MYB: variants seen among roughly 807,000 people sequenced by gnomAD.
MYB encodes MYB proto-oncogene, transcription factor.
Under a neutral mutation model 92.9 loss-of-function variants are expected in MYB, and 28 were observed. The observed-to-expected ratio is 0.30, with a 90% confidence interval of 0.22 to 0.41. The LOEUF (loss-of-function observed/expected upper bound fraction) is 0.41, where lower values mean the gene tolerates loss of function less well. MYB is among the 10% of genes least tolerant of loss of function. The pLI is 1.00. For missense variants in MYB, 679 were observed against 929.3 expected, an observed-to-expected ratio of 0.73 and a Z score of 3.50; for synonymous variants, 295 against 329.1, an observed-to-expected ratio of 0.90 and a Z score of 1.12.
chr6:135,208,719 T>A (rs1412861000), intron 15 of MYB, among the ~76,000 whole-genome samples: 2 of 152,110 alleles, frequency 1.3e-5, no homozygotes, highest in African/African-American at 4.8e-5. Flanking sequence ...ATATAACATT[T>A]TATTCTCATG....
chr6:135,197,393 T>C (rs187939077), intron 10 of MYB, 70 bp downstream of exon 10: 1 of 1,294,412 alleles, frequency 7.7e-7, no homozygotes, highest in East Asian at 2.3e-5. Context: ...ATCTAGAAAC[T>C]AATACTTCGG....
chr6:135,181,587 C>A lies in MYB; in HGVS notation c.23+51C>A. 1 of 1,119,820 alleles carries A rather than the reference C, an allele frequency of 8.9e-7. No homozygotes were observed. The highest frequency in any genetic ancestry group is 1.1e-6 in the Non-Finnish European group (1 of 906,104). 69.4% of individuals were successfully genotyped at this position (1,119,820 alleles called of 1,614,324 possible). ...GAGGGCGGGGGCGCGCGGGGGCGCGCGGGGCGCCAGGCTCCCGGGAGCAGG... is the reference window on the plus strand; with the variant it reads ...GAGGGCGGGGGCGCGCGGGGGCGCGAGGGGCGCCAGGCTCCCGGGAGCAGG... On this transcript the variant is annotated intron_variant, in intron 1 of 15. Transcript: ENST00000341911. This position sits in a 1 kb window ranked among gnomAD's most constrained non-coding sequence, Gnocchi z 5.3.
Position 135,190,719 on chromosome 6 carries a change from C to T in MYB, c.527+372C>T, listed in dbSNP as rs189049914. Among the ~76,000 whole-genome samples, 55 of 152,328 alleles carry T rather than the reference C, an allele frequency of 3.6e-4. No homozygotes were observed. Among genetic ancestry groups the T allele is most frequent in the Middle Eastern group, 3.4e-3 (1 of 294 alleles). On this transcript the variant is annotated intron_variant, in intron 5 of 15. Transcript: ENST00000341911. This position sits in a 1 kb window ranked among gnomAD's most constrained non-coding sequence, Gnocchi z 4.5. The stretch of plus-strand genomic sequence containing the variant: ...AAGACAGTTTGTCTCTGGCAGTTCA[C>T]GTAGCTGGTTAAGTTACTCAAAGGA...
rs184686913 is a variant in MYB at position 135,211,328 on chromosome 6, A to G, written c.2170-6536A>G. Among the ~76,000 whole-genome samples the G allele has an allele frequency of 1.5e-3, 226 of 151,804 alleles. 1 individual carries two copies. Among genetic ancestry groups the G allele is most frequent in the East Asian group, 1.4e-3 (7 of 5,174 alleles). ...CAGTGACCTGCTTTCAAAAAATGTTATAAATTAAGCAGCTTTTCTGTGTAT... is the reference window on the plus strand; with the variant it reads ...CAGTGACCTGCTTTCAAAAAATGTTGTAAATTAAGCAGCTTTTCTGTGTAT... On this transcript the variant is annotated intron_variant, in intron 15 of 15. Transcript: ENST00000341911.
chr6:135,196,679 A>G (rs1777360185), intron 9 of MYB: 1 of 1,265,548 alleles, frequency 7.9e-7, no homozygotes, highest in South Asian at 1.3e-5. Context: ...CATTGCCGTA[A>G]TATGCCATCT....
intron 10 of MYB, among the ~76,000 whole-genome samples, chr6:135,198,079 T>C (rs1293663221): frequency 1.3e-5 from 2 of 152,224 alleles, no homozygotes; most frequent in East Asian, 3.8e-4. Flanking sequence ...GTTGAATTTG[T>C]TTTAAGAACA....
At chr6:135,194,648 G>C in intron 8 of MYB, 188 bp downstream of exon 8, 1 of 571,716 alleles carries the variant, frequency 1.7e-6, no homozygotes, top group Non-Finnish European at 3.0e-6. Flanking sequence ...ATTGGAAGCA[G>C]TCTTTTTGTA....
chr6:135,194,494 T>C (rs112340316), intron 8 of MYB, 34 bp downstream of exon 8: 23 of 1,481,016 alleles, frequency 1.6e-5, no homozygotes, highest in Non-Finnish European at 2.2e-5. Flanking sequence ...AATGAGGGGA[T>C]AGCAGCTTTG....
intron 3 of MYB, among the ~76,000 whole-genome samples, chr6:135,188,514 G>GTT (rs1233064841): frequency 2.5e-5 from 3 of 120,986 alleles, no homozygotes; most frequent in Non-Finnish European, 5.4e-5. Flanking sequence ...TTTGTTTTTT[G>GTT]TTTTTTGTTT....
At chr6:135,186,527 G>A (rs1055410702) in intron 2 of MYB, among the ~76,000 whole-genome samples, 2 of 152,134 alleles carry the variant, frequency 1.3e-5, no homozygotes, top group African/African-American at 4.8e-5. Flanking sequence ...ACCCAAAATA[G>A]GATATTAATA....
At chr6:135,196,720 A>T (rs747536640) in intron 9 of MYB, 1 of 1,485,418 alleles carries the variant, frequency 6.7e-7, no homozygotes, top group Non-Finnish European at 9.0e-7. Context: ...TTTCCATTGC[A>T]TGCAGATGTA....
chr6:135,198,808 G>T (rs1777678478), intron 10 of MYB, 100 bp from the exon 11 acceptor site: 1 of 919,194 alleles, frequency 1.1e-6, no homozygotes. Context: ...AATATAGTGG[G>T]TCAGGAAAAC....
chr6:135,196,067 A>C, intron 9 of MYB, 65 bp downstream of exon 9: 1 of 1,518,924 alleles, frequency 6.6e-7, no homozygotes, highest in Non-Finnish European at 9.0e-7. Context: ...CATTTCTTAA[A>C]TCATTGCCAT....
In MYB at chr6:135,218,494, G is replaced by T. The variant is rs575282702; in HGVS notation, c.*514G>T. ...TCATTTATGGTTAATGACATTGAAG[G>T]TACATTTATTGTACCAAACCATTTT... is the stretch of plus-strand genomic sequence containing the variant. On this transcript the variant is annotated 3_prime_UTR_variant, in exon 16 of 16. Coordinates refer to ENST00000341911, the MANE Select transcript of MYB (RefSeq NM_001130173.2). The T allele has an allele frequency of 3.8e-5, 7 of 184,562 alleles. No individual in the cohort carries two copies. The highest frequency in any genetic ancestry group is 3.9e-4 in the South Asian group (2 of 5,094). The allele number at this position is 184,562 out of a possible 1,614,324, so 11.4% of individuals were successfully genotyped here. A position where few individuals can be genotyped will look rare whatever the true frequency, so the allele number is the denominator to read the frequency against.
At position 135,184,405 on chromosome 6, in the gene MYB, C is replaced by T. The variant is rs369191568; in HGVS notation, c.24-1498C>T. Among the ~76,000 whole-genome samples, 198 of 144,230 alleles carry T rather than the reference C, an allele frequency of 1.4e-3. 2 individuals carry two copies. The highest frequency in any genetic ancestry group is 4.0e-3 in the African/African-American group (152 of 38,162). The allele number at this position is 144,230 out of a possible 152,430, so 94.6% of individuals were successfully genotyped here. ...CTTGTTCAGAAGTTGTTTAGTGCCTCCTGTTGACAGTGGAAACAGAACTAG... is the reference window on the plus strand; with the variant it reads ...CTTGTTCAGAAGTTGTTTAGTGCCTTCTGTTGACAGTGGAAACAGAACTAG... On this transcript the variant is annotated intron_variant, in intron 1 of 15. Coordinates refer to ENST00000341911, the MANE Select transcript of MYB (RefSeq NM_001130173.2).
At chr6:135,216,139 T>A (rs758665510) in intron 15 of MYB, among the ~76,000 whole-genome samples, 1 of 152,196 alleles carries the variant, frequency 6.6e-6, no homozygotes, top group African/African-American at 2.4e-5. Context: ...GCTGGGGCAC[T>A]GTGCTTTATG....
Position 135,218,119 on chromosome 6 carries a change from T to C in MYB, c.*139T>C, listed in dbSNP as rs927535213. ...TACAACAGTTGAGAGCAGCACCAAG[T>C]GCATTTAGTTGAATGAAGTCTTCTT... On this transcript the variant is annotated 3_prime_UTR_variant, in exon 16 of 16. Transcript: ENST00000341911. 1 of 626,330 alleles carries C rather than the reference T, an allele frequency of 1.6e-6. No homozygotes were observed. Among genetic ancestry groups the C allele is most frequent in the Non-Finnish European group, 2.8e-6 (1 of 359,006 alleles). 38.8% of individuals were successfully genotyped at this position (626,330 alleles called of 1,614,324 possible).
intron 15 of MYB, among the ~76,000 whole-genome samples, chr6:135,210,555 A>G (rs1391738683): frequency 1.3e-5 from 2 of 152,162 alleles, no homozygotes; most frequent in African/African-American, 2.4e-5. Flanking sequence ...GAACTTTTAT[A>G]TTTTTCAAAA....
intron 8 of MYB, chr6:135,195,311 C>A: frequency 3.4e-6 from 1 of 293,762 alleles, no homozygotes; most frequent in Non-Finnish European, 6.6e-6. Context: ...GGGATAGAAG[C>A]AACAAGAATA....
Sources: gnomAD v4.1 joint callset for allele counts (sites outside exome capture counted in the v4.1 genomes callset) on GRCh38, gnomAD v4.1.1 for gene constraint, Gnocchi (gnomAD v3.1) non-coding constraint, MANE v1.5 for transcripts, NCBI Gene and HGNC (gene_info 2026-07-23, HGNC 2026-07-21) for gene names.